Variants in ZMYND8 observed in about 807,000 individuals in gnomAD.
ZMYND8 encodes MYND-type zinc finger-containing chromatin reader ZMYND8.
ZMYND8 carries 37 observed loss-of-function variants against 140.8 expected under a neutral mutation model. The ratio of observed to expected loss-of-function variants is 0.26; its 90% CI spans 0.20 to 0.35. The LOEUF is 0.35. ZMYND8 is among the 10% of genes least tolerant of loss of function. The probability of loss-of-function intolerance (pLI) is 1.00; values close to 1 mark genes in which losing one functional copy is unlikely to be tolerated. For synonymous variants in ZMYND8, 592 were observed against 597.1 expected (o/e 0.99, Z 0.12); for missense variants, 1,068 against 1,570.0 (o/e 0.68, Z 5.40).
chr20:47,215,335 T>A (rs1464309687), intron 21 of ZMYND8, among the ~76,000 whole-genome samples: 2 of 152,142 alleles, frequency 1.3e-5, no homozygotes, highest in African/African-American at 2.4e-5. Context: ...ATTGCACCAC[T>A]GCACTCCAGC....
Position 47,236,377 on chromosome 20 carries a change from G to C in ZMYND8, c.2805C>G (p.Ile935Met), listed in dbSNP as rs189683462. The change falls in exon 16 of 23, where the codon ATC becomes ATG. Residue 935 changes from isoleucine to methionine, a missense_variant. Ile to Met is a conservative substitution (Grantham distance 10, BLOSUM62 1). Coordinates refer to ENST00000471951, the MANE Select transcript of ZMYND8 (RefSeq NM_001281775.3). ...LVSSVNADLP[I>M]ATASADVAAD... ...CGGCGACATCAGCTGAGGCAGTGGC[G>C]ATGGGCAGGTCAGCGTTGACTGAGG... is the stretch of plus-strand genomic sequence containing the variant. 1.9e-6 allele frequency: 3 copies of C among 1,614,086 alleles called. No individual in the cohort carries two copies. In the African/African-American group the frequency reaches 4.0e-5, roughly 22 times the overall value.
chr20:47,338,139 T>C (rs2081533493), intron 2 of ZMYND8, among the ~76,000 whole-genome samples: 2 of 152,140 alleles, frequency 1.3e-5, no homozygotes. Flanking sequence ...CCCATCTCTT[T>C]CCCAGTGGGG....
rs532411278 is a variant in ZMYND8 at position 47,210,229 on chromosome 20, C to G, written c.*532G>C. The G allele has an allele frequency of 6.5e-6, 1 of 153,506 alleles. No individual in the cohort carries two copies. The highest frequency in any genetic ancestry group is 1.9e-4 in the East Asian group (1 of 5,306). The allele number at this position is 153,506 out of a possible 1,614,324, so 9.5% of individuals were successfully genotyped here. A position where few individuals can be genotyped will look rare whatever the true frequency, so the allele number is the denominator to read the frequency against. On this transcript the variant is annotated 3_prime_UTR_variant, in exon 23 of 23. Transcript: ENST00000471951. ...TAGTCTGTGCCGAAACTCCCGATCCCAACATGCTGCGTACAGACACACGAG... is the reference window on the plus strand; with the variant it reads ...TAGTCTGTGCCGAAACTCCCGATCCGAACATGCTGCGTACAGACACACGAG...
chr20:47,350,782 A>C (rs2082718397), intron 1 of ZMYND8, among the ~76,000 whole-genome samples: 1 of 152,228 alleles, frequency 6.6e-6, no homozygotes, highest in Non-Finnish European at 1.5e-5. Flanking sequence ...TTAAATCAAA[A>C]ACAATGGGAC....
At position 47,290,240 on chromosome 20, in the gene ZMYND8, G is replaced by C. The variant is rs1406021487; in HGVS notation, c.695C>G (p.Ala232Gly). The C allele has an allele frequency of 3.1e-6, 5 of 1,613,392 alleles. No individual in the cohort carries two copies. Among genetic ancestry groups the C allele is most frequent in the East Asian group, 4.5e-5 (2 of 44,820 alleles). ...AATCCACTTTGCATCAGCCAGGAAG[G>C]CTTCTGTGCAGCCATACATTTTCTT... ...AKKKMYGCTE[A>G]FLADAKWILH... The change falls in exon 7 of 23, where the codon GCC becomes GGC. Residue 232 changes from alanine (A) to glycine (G), a missense_variant. By Grantham distance (60) the Ala-to-Gly change is moderately conservative. Coordinates refer to ENST00000471951, the MANE Select transcript of ZMYND8 (RefSeq NM_001281775.3).
intron 17 of ZMYND8, 80 bp from the exon 18 acceptor site, chr20:47,227,361 G>A (rs2037849749): frequency 2.2e-6 from 3 of 1,341,350 alleles, no homozygotes; most frequent in Non-Finnish European, 2.1e-6. Context: ...ACCACGGCTG[G>A]CTGTGAGGGG....
intron 8 of ZMYND8, chr20:47,285,966 G>A (rs1017025489): frequency 1.4e-5 from 6 of 443,874 alleles, no homozygotes; most frequent in Non-Finnish European, 1.8e-5. Context: ...TGAGGCAGAA[G>A]GATCGCCTGA....
At chr20:47,222,495 C>T (rs1467090715) in intron 19 of ZMYND8, among the ~76,000 whole-genome samples, 2 of 151,900 alleles carry the variant, frequency 1.3e-5, no homozygotes, top group Admixed American at 6.6e-5. Context: ...GAGATCGCGC[C>T]GTTGCACTCC....
intron 12 of ZMYND8, among the ~76,000 whole-genome samples, chr20:47,257,234 C>T (rs1327821365): frequency 1.3e-5 from 2 of 152,030 alleles, no homozygotes; most frequent in African/African-American, 2.4e-5. Flanking sequence ...TACAAACCTT[C>T]CCATCTTATA....
chr20:47,241,961 G>T (rs899777347), intron 14 of ZMYND8, among the ~76,000 whole-genome samples: 2 of 151,926 alleles, frequency 1.3e-5, no homozygotes, highest in African/African-American at 4.8e-5. Context: ...GGGACTACAG[G>T]TGCCCGCCAC....
At chr20:47,321,475 CA>C (rs1360104970) in intron 2 of ZMYND8, among the ~76,000 whole-genome samples, 5 of 152,214 alleles carry the variant, frequency 3.3e-5, no homozygotes, top group Non-Finnish European at 5.9e-5. Flanking sequence ...AAAGAATGAT[CA>C]GGCCCAAAGT....
intron 10 of ZMYND8, 128 bp downstream of exon 10, chr20:47,281,974 C>G (rs1208426875): frequency 5.0e-6 from 4 of 798,720 alleles, no homozygotes; most frequent in Non-Finnish European, 7.8e-6. Flanking sequence ...ATTTCAACAA[C>G]AAGATCAATG....
At chr20:47,219,931 A>G (rs188736993) in intron 21 of ZMYND8, among the ~76,000 whole-genome samples, 2 of 152,064 alleles carry the variant, frequency 1.3e-5, no homozygotes, top group African/African-American at 4.8e-5. Context: ...CATTTCCCTG[A>G]GAGAGAGAGA....
At chr20:47,321,042 TGGAG>T (rs2148351166) in intron 2 of ZMYND8, among the ~76,000 whole-genome samples, 1 of 152,222 alleles carries the variant, frequency 6.6e-6, no homozygotes, top group Admixed American at 6.5e-5. Context: ...TGCAGAGACA[TGGAG>T]GAACACCCAG....
chr20:47,233,527 G>T (rs928839425), intron 16 of ZMYND8, among the ~76,000 whole-genome samples: 11 of 152,152 alleles, frequency 7.2e-5, no homozygotes, highest in African/African-American at 2.7e-4. Context: ...AAGAGGAGTT[G>T]CTTATAAAAG....
Position 47,239,151 on chromosome 20 carries a change from T to A in ZMYND8, c.2285-13A>T. 4.7e-6 allele frequency: 7 copies of A among 1,483,786 alleles called. No homozygotes were observed. The highest frequency in any genetic ancestry group is 4.5e-6 in the Non-Finnish European group (5 of 1,122,386). 91.9% of individuals were successfully genotyped at this position (1,483,786 alleles called of 1,614,324 possible). A position where few individuals can be genotyped will look rare whatever the true frequency, so the allele number is the denominator to read the frequency against. On this transcript the variant is annotated splice_polypyrimidine_tract_variant and intron_variant, in intron 14 of 22. Coordinates refer to ENST00000471951, the MANE Select transcript of ZMYND8 (RefSeq NM_001281775.3). ...GTTTTACCTACAACTAGCCAATGCA[T>A]GAAGAAAAAACAAACAAAAACCGGA...
chr20:47,355,578 A>C (rs1024270657), intron 1 of ZMYND8: 1 of 763,792 alleles, frequency 1.3e-6, no homozygotes, highest in African/African-American at 1.9e-5. Flanking sequence ...AAACACACAC[A>C]ACAACAACAA....
intron 5 of ZMYND8, among the ~76,000 whole-genome samples, chr20:47,292,262 C>T (rs945965264): frequency 2.6e-5 from 4 of 152,202 alleles, no homozygotes; most frequent in Admixed American, 6.5e-5. Flanking sequence ...GAGAAATTAA[C>T]GCCCTCTTCA....
intron 1 of ZMYND8, among the ~76,000 whole-genome samples, chr20:47,350,866 C>G (rs1207894135): frequency 1.3e-5 from 2 of 152,158 alleles, no homozygotes; most frequent in Non-Finnish European, 2.9e-5. Context: ...GGGCCCGCTA[C>G]AGAAAAGGGT....
Sources: gnomAD v4.1 joint callset for allele counts (sites outside exome capture counted in the v4.1 genomes callset) on GRCh38, gnomAD v4.1.1 for gene constraint, MANE v1.5 for transcripts, NCBI Gene and HGNC (gene_info 2026-07-23, HGNC 2026-07-21) for gene names.